The following NRXN3 variants were observed in gnomAD, a reference collection of about 807,000 sequenced individuals.
NRXN3 encodes the protein neurexin 3.
NRXN3 carries 32 observed loss-of-function variants against 137.6 expected under a neutral mutation model. The ratio of observed to expected loss-of-function variants is 0.23; its 90% confidence interval spans 0.18 to 0.31. The LOEUF (loss-of-function observed/expected upper bound fraction) is 0.31. Ranked by LOEUF, NRXN3 falls within the 10% of genes least tolerant of loss-of-function variation. The pLI, the probability that NRXN3 is intolerant of heterozygous loss-of-function variation, is 1.00. For missense variants in NRXN3, 1,574 were observed against 2,062.5 expected, an observed-to-expected ratio of 0.76 and a Z score of 4.59; for synonymous variants, 798 against 784.5, an observed-to-expected ratio of 1.02 and a Z score of -0.29.
At chr14:79,387,832 T>C (rs1289594466) in intron 15 of NRXN3, among the ~76,000 whole-genome samples, 1 of 151,540 alleles carries the variant, frequency 6.6e-6, no homozygotes, top group Non-Finnish European at 1.5e-5. Context: ...GAAACCATCA[T>C]TCTCAGCAAA....
chr14:78,726,804 T>G (rs533974664), intron 8 of NRXN3, among the ~76,000 whole-genome samples: 23 of 151,858 alleles, frequency 1.5e-4, no homozygotes, highest in African/African-American at 5.5e-4. Flanking sequence ...CAGGCGTGAG[T>G]CATCACACCT....
intron 2 of NRXN3, among the ~76,000 whole-genome samples, chr14:78,264,026 T>C (rs1434807686): frequency 6.6e-6 from 1 of 151,992 alleles, no homozygotes; most frequent in Non-Finnish European, 1.5e-5. Flanking sequence ...TAATAGTTTC[T>C]CAGGAATGTG....
chr14:78,361,709 C>T (rs1319816856), intron 4 of NRXN3, among the ~76,000 whole-genome samples: 2 of 152,142 alleles, frequency 1.3e-5, no homozygotes, highest in Non-Finnish European at 2.9e-5. Context: ...TGAACCTTTT[C>T]AATACTTCAT....
intron 16 of NRXN3, among the ~76,000 whole-genome samples, chr14:79,572,147 AT>A (rs2097610615): frequency 6.6e-6 from 1 of 152,026 alleles, no homozygotes; most frequent in African/African-American, 2.4e-5. Flanking sequence ...TGTTCTATAG[AT>A]TGTATTTTGT....
intron 4 of NRXN3, among the ~76,000 whole-genome samples, chr14:78,427,903 T>G (rs941032495): frequency 6.6e-6 from 1 of 152,240 alleles, no homozygotes; most frequent in Admixed American, 6.5e-5. Context: ...TCCTGATTTC[T>G]TGTCCTTTGG....
intron 16 of NRXN3, among the ~76,000 whole-genome samples, chr14:79,535,306 A>G (rs2097201510): frequency 6.6e-6 from 1 of 152,200 alleles, no homozygotes; most frequent in African/African-American, 2.4e-5. Context: ...GGAGTTCATT[A>G]TGCTCGCTGA....
At chr14:79,145,260 T>C (rs2059186616) in intron 15 of NRXN3, among the ~76,000 whole-genome samples, 1 of 152,210 alleles carries the variant, frequency 6.6e-6, no homozygotes, top group Non-Finnish European at 1.5e-5. Flanking sequence ...TTTACATCTT[T>C]TGATCTCTTT....
chr14:79,621,215 A>C (rs866013350), intron 16 of NRXN3, among the ~76,000 whole-genome samples: 2 of 152,224 alleles, frequency 1.3e-5, no homozygotes, highest in African/African-American at 4.8e-5. Flanking sequence ...AAGGCTAGCC[A>C]AAAGCATCTG....
Position 79,569,482 on chromosome 14 carries a change from T to C in NRXN3, c.3445-94296T>C, listed in dbSNP as rs557893640. Among the ~76,000 whole-genome samples, 7 of 152,244 alleles carry C rather than the reference T, an allele frequency of 4.6e-5. No individual in the cohort carries two copies. In the East Asian group the frequency reaches 1.4e-3, roughly 29 times the overall value. On this transcript the variant is annotated intron_variant, in intron 16 of 20. Coordinates refer to ENST00000335750, the MANE Select transcript of NRXN3 (RefSeq NM_001330195.2). ...TGCATTAAACAATTACTATGCAGGC[T>C]CTGGGCTTAAGTTTTGACTTAAGTT...
intron 16 of NRXN3, among the ~76,000 whole-genome samples, chr14:79,595,010 C>T (rs757755309): frequency 2.0e-4 from 30 of 152,126 alleles, no homozygotes; most frequent in Admixed American, 3.9e-4. Context: ...TTTACATAAA[C>T]GGCATTATTT....
At chr14:78,614,797 T>A in intron 4 of NRXN3, 1 of 344,342 alleles carries the variant, frequency 2.9e-6, no homozygotes, top group Non-Finnish European at 5.8e-6. Flanking sequence ...CCCAAGGCAC[T>A]CCCTACAGCA....
chr14:79,704,285 T>C (rs1023177604), intron 19 of NRXN3, among the ~76,000 whole-genome samples: 3 of 152,180 alleles, frequency 2.0e-5, no homozygotes, highest in African/African-American at 7.2e-5. Flanking sequence ...AGGCCCAGAC[T>C]AGAACCTCAG....
intron 15 of NRXN3, among the ~76,000 whole-genome samples, chr14:79,369,100 G>A (rs1389768605): frequency 6.6e-6 from 1 of 152,140 alleles, no homozygotes; most frequent in Non-Finnish European, 1.5e-5. Context: ...TTCTGAAAAT[G>A]GTATTTCAAT....
intron 4 of NRXN3, among the ~76,000 whole-genome samples, chr14:78,348,283 C>T (rs542159657): frequency 1.4e-4 from 21 of 152,326 alleles, no homozygotes; most frequent in South Asian, 4.1e-4. Context: ...TATACACATT[C>T]TAAGTTGAGA....
chr14:78,990,247 G>A (rs2099515798), intron 15 of NRXN3, among the ~76,000 whole-genome samples: 1 of 152,048 alleles, frequency 6.6e-6, no homozygotes, highest in South Asian at 2.1e-4. Flanking sequence ...AGCAGACTTG[G>A]GAAACTGCCT....
chr14:78,785,297 C>A (rs1221627371), intron 8 of NRXN3, among the ~76,000 whole-genome samples: 2 of 152,138 alleles, frequency 1.3e-5, no homozygotes, highest in Non-Finnish European at 2.9e-5. Context: ...TCAAGGACTG[C>A]TGAACAGTGT....
intron 15 of NRXN3, among the ~76,000 whole-genome samples, chr14:79,096,644 A>AGC (rs2050397363): frequency 6.6e-6 from 1 of 151,894 alleles, no homozygotes; most frequent in East Asian, 1.9e-4. Context: ...ATCAGCCACC[A>AGC]TACTTGGCTC....
chr14:78,379,644 A>T (rs2088661222), intron 4 of NRXN3, among the ~76,000 whole-genome samples: 1 of 152,250 alleles, frequency 6.6e-6, no homozygotes, highest in Admixed American at 6.5e-5. Flanking sequence ...CCTACAGCTA[A>T]CATTATAATT....
At chr14:79,508,646 C>T (rs972743874) in intron 16 of NRXN3, among the ~76,000 whole-genome samples, 1 of 151,698 alleles carries the variant, frequency 6.6e-6, no homozygotes, top group Non-Finnish European at 1.5e-5. Flanking sequence ...CCCGCCTCGG[C>T]CTTCCAAAGT....
Sources: allele counts gnomAD v4.1 joint callset (sites outside exome capture counted in the v4.1 genomes callset), GRCh38; gene constraint gnomAD v4.1.1; transcripts MANE v1.5; gene names NCBI Gene and HGNC (gene_info 2026-07-23, HGNC 2026-07-21).